LRIG1: variants seen among roughly 807,000 people sequenced by gnomAD.
The protein encoded by LRIG1 is leucine rich repeats and immunoglobulin like domains 1, also known as leucine-rich repeats and immunoglobulin-like domains protein 1.
A neutral mutation model predicts 99.2 loss-of-function variants in LRIG1; 48 were observed. The ratio of observed to expected loss-of-function variants is 0.48; its 90% CI spans 0.38 to 0.62. The LOEUF (loss-of-function observed/expected upper bound fraction) is 0.62. Among genes scored for constraint, LRIG1 ranks in the 20% least tolerant of loss-of-function variants. LRIG1 has a pLI of 0.00. For missense variants in LRIG1, 1,646 were observed against 1,434.4 expected, an observed-to-expected ratio of 1.15 and a Z score of -2.38; for synonymous variants, 772 against 596.1, an observed-to-expected ratio of 1.29 and a Z score of -4.30.
intron 11 of LRIG1, 80 bp from the exon 12 acceptor site, chr3:66,394,283 G>T: frequency 8.1e-7 from 1 of 1,235,200 alleles, no homozygotes; most frequent in Non-Finnish European, 1.1e-6. Context: ...ATGATCAGTC[G>T]CCTCCAATCA....
At chr3:66,407,833 C>G (rs1477209166) in intron 7 of LRIG1, among the ~76,000 whole-genome samples, 1 of 152,216 alleles carries the variant, frequency 6.6e-6, no homozygotes, top group Non-Finnish European at 1.5e-5. Context: ...CAAGGCAGCT[C>G]CTGATTCAGG....
At chr3:66,499,469 G>A (rs1701304014) in intron 1 of LRIG1, among the ~76,000 whole-genome samples, 1 of 152,156 alleles carries the variant, frequency 6.6e-6, no homozygotes, top group African/African-American at 2.4e-5. Context: ...GAACACACAG[G>A]AAGGGTCTGG....
chr3:66,380,595 C>G lies in LRIG1; in HGVS notation c.3037G>C (p.Ala1013Pro), dbSNP rs562752368. The change falls in exon 18 of 19, where the codon GCA (alanine) becomes CCA (proline). Residue 1013 changes from alanine (A) to proline (P), a missense_variant. By Grantham distance (27) the Ala-to-Pro change is conservative. Transcript: ENST00000273261. Reference sequence around the variant, plus strand: ...AAGTTACCTTTCCCATCTAGAGATGCCATTGGCTTTTTCTTCACAGCCGTC... The same window carrying G: ...AAGTTACCTTTCCCATCTAGAGATGGCATTGGCTTTTTCTTCACAGCCGTC... ...MLTAVKKKPM[A>P]SLDGKGDSSW... 23 of 1,613,930 alleles carry G rather than the reference C, an allele frequency of 1.4e-5. No individual in the cohort carries two copies. In the Admixed American group the frequency reaches 3.8e-4, roughly 27 times the overall value.
rs1347840260 is a variant in LRIG1 at position 66,386,096 on chromosome 3, G to A, written c.1674C>T (p.Tyr558=). The A allele has an allele frequency of 3.1e-6, 5 of 1,613,996 alleles. No homozygotes were observed. Among genetic ancestry groups the A allele is most frequent in the African/African-American group, 2.7e-5 (2 of 74,910 alleles). ...VHAQDGEVME[Y]TTILHLRQVT... The stretch of plus-strand genomic sequence containing the variant: ...CCTGACGGAGGTGCAGGATGGTGGT[G>A]TACTCCATCACTTCCCCGTCCTGCG... The change falls in exon 13 of 19, where the codon TAC becomes TAT. Residue 558 remains tyrosine (Y), a synonymous_variant. Transcript: ENST00000273261.
At chr3:66,392,910 C>T (rs1346810239) in intron 12 of LRIG1, among the ~76,000 whole-genome samples, 2 of 152,202 alleles carry the variant, frequency 1.3e-5, no homozygotes, top group African/African-American at 2.4e-5. Context: ...TTAGATTCCA[C>T]ACAGAAGGCT....
intron 2 of LRIG1, among the ~76,000 whole-genome samples, chr3:66,459,460 C>A (rs1351624465): frequency 6.6e-6 from 1 of 152,234 alleles, no homozygotes; most frequent in East Asian, 1.9e-4. Flanking sequence ...TGGTCCTCAG[C>A]CTGTTCCCTT....
At chr3:66,448,729 C>CATTT (rs1703804893) in intron 3 of LRIG1, among the ~76,000 whole-genome samples, 1 of 152,190 alleles carries the variant, frequency 6.6e-6, no homozygotes, top group Non-Finnish European at 1.5e-5. Flanking sequence ...CCTCAGCAGA[C>CATTT]ATTTGCTCTA....
chr3:66,481,096 C>T (rs1173316434), intron 1 of LRIG1, among the ~76,000 whole-genome samples: 1 of 152,190 alleles, frequency 6.6e-6, no homozygotes, highest in Non-Finnish European at 1.5e-5. Flanking sequence ...CTGCCCAGCA[C>T]AGGTATGCCA....
At chr3:66,495,483 G>C (rs1471023523) in intron 1 of LRIG1, among the ~76,000 whole-genome samples, 1 of 152,218 alleles carries the variant, frequency 6.6e-6, no homozygotes, top group East Asian at 1.9e-4. Flanking sequence ...TGAAAGTTAG[G>C]CTTGCTCGTG....
intron 3 of LRIG1, among the ~76,000 whole-genome samples, chr3:66,425,956 C>A (rs546110697): frequency 1.3e-5 from 2 of 152,306 alleles, no homozygotes; most frequent in East Asian, 1.9e-4. Context: ...GCATTTGAAA[C>A]CAACATTTAA....
intron 1 of LRIG1, among the ~76,000 whole-genome samples, chr3:66,485,212 T>C (rs912361334): frequency 2.0e-5 from 3 of 151,492 alleles, no homozygotes; most frequent in African/African-American, 7.3e-5. Flanking sequence ...ATTCCACCTT[T>C]CTCCTTCCAT....
chr3:66,441,044 A>C (rs560337835), intron 3 of LRIG1, among the ~76,000 whole-genome samples: 1 of 152,298 alleles, frequency 6.6e-6, no homozygotes, highest in East Asian at 1.9e-4. Context: ...TGCTATTTAC[A>C]AACTAACGTC....
chr3:66,478,182 T>C (rs1700766536), intron 1 of LRIG1, among the ~76,000 whole-genome samples: 1 of 152,218 alleles, frequency 6.6e-6, no homozygotes, highest in African/African-American at 2.4e-5. Context: ...GAATTGGAAA[T>C]AAATGGAGAT....
intron 3 of LRIG1, among the ~76,000 whole-genome samples, chr3:66,443,333 C>T (rs995278091): frequency 5.3e-4 from 2 of 3,744 alleles, no homozygotes; most frequent in Non-Finnish European, 6.2e-4. Context: ...GAGTGAGGGG[C>T]GGGGGATGAG....
chr3:66,473,927 T>C (rs1700658631), intron 1 of LRIG1, among the ~76,000 whole-genome samples: 1 of 152,214 alleles, frequency 6.6e-6, no homozygotes, highest in African/African-American at 2.4e-5. Context: ...GGCTAAGTTT[T>C]TCTTTCTGCA....
intron 1 of LRIG1, among the ~76,000 whole-genome samples, chr3:66,488,343 C>A (rs893920459): frequency 5.9e-5 from 9 of 151,948 alleles, no homozygotes; most frequent in Non-Finnish European, 1.3e-4. Context: ...AAAGCCACAG[C>A]CGGGCGTGGT....
In LRIG1 at chr3:66,409,941, G is replaced by A. The variant is rs1702409713; in HGVS notation, c.935+188C>T. 13 of 536,400 alleles carry A rather than the reference G, an allele frequency of 2.4e-5. No homozygotes were observed. In the South Asian group the frequency reaches 3.2e-4, roughly 13 times the overall value. 33.2% of individuals were successfully genotyped at this position (536,400 alleles called of 1,614,324 possible). A position where few individuals can be genotyped will look rare whatever the true frequency, so the allele number is the denominator to read the frequency against. On this transcript the variant is annotated intron_variant, in intron 7 of 18. Coordinates refer to ENST00000273261, the MANE Select transcript of LRIG1 (RefSeq NM_015541.3). ...AATGCAGAGGAAGTGAAGGGGAGAT[G>A]AGGAAGGGACTGGGGCTCAAATCGC...
At chr3:66,394,250 G>C (rs775590850) in intron 11 of LRIG1, 47 bp from the exon 12 acceptor site, 11 of 1,496,508 alleles carry the variant, frequency 7.4e-6, no homozygotes, top group Non-Finnish European at 9.9e-6. Flanking sequence ...CCGCAAAGGA[G>C]GGACACTCCC....
intron 3 of LRIG1, among the ~76,000 whole-genome samples, chr3:66,446,998 G>A (rs745557679): frequency 2.0e-5 from 3 of 152,176 alleles, no homozygotes; most frequent in Non-Finnish European, 2.9e-5. Context: ...CTGTAGTGGT[G>A]ATGGTTGCAC....
Sources: allele counts gnomAD v4.1 joint callset (sites outside exome capture counted in the v4.1 genomes callset), GRCh38; gene constraint gnomAD v4.1.1; transcripts MANE v1.5; gene names NCBI Gene and HGNC (gene_info 2026-07-23, HGNC 2026-07-21).